Variants in CLRN1 observed in about 807,000 individuals in gnomAD.
CLRN1 encodes clarin 1.
In CLRN1, 15 loss-of-function variants were observed where a neutral mutation model predicts 18.7. The observed-to-expected ratio is 0.80, with a 90% confidence interval of 0.54 to 1.23. The LOEUF (loss-of-function observed/expected upper bound fraction) is 1.23, where lower values mean the gene tolerates loss of function less well. Ranked by LOEUF, CLRN1 falls within the 50% of genes most tolerant of loss-of-function variation. The probability of loss-of-function intolerance (pLI) is 0.00; values close to 1 mark genes in which losing one functional copy is unlikely to be tolerated. For synonymous variants in CLRN1, 104 were observed against 102.9 expected (o/e 1.01, Z -0.07); for missense variants, 311 against 277.5 (o/e 1.12, Z -0.86).
chr3:150,930,687 C>T (rs1176003423), intron 2 of CLRN1, among the ~76,000 whole-genome samples: 1 of 152,090 alleles, frequency 6.6e-6, no homozygotes, highest in Non-Finnish European at 1.5e-5. Context: ...AATGCCATTC[C>T]TTTTACCATA....
intron 1 of CLRN1, among the ~76,000 whole-genome samples, chr3:150,955,459 C>G (rs1714692026): frequency 6.6e-6 from 1 of 152,114 alleles, no homozygotes; most frequent in African/African-American, 2.4e-5. Flanking sequence ...GGAAAGAATT[C>G]AGGGCAATGG....
chr3:150,952,312 C>A (rs969686311), intron 1 of CLRN1, among the ~76,000 whole-genome samples: 1 of 152,180 alleles, frequency 6.6e-6, no homozygotes, highest in Admixed American at 6.5e-5. Context: ...GGTAGAGGCA[C>A]TAAGCGCAGC....
At chr3:150,946,853 T>C (rs184974198) in intron 1 of CLRN1, among the ~76,000 whole-genome samples, 22 of 151,116 alleles carry the variant, frequency 1.5e-4, no homozygotes, top group African/African-American at 5.1e-4. Flanking sequence ...CCCACTAACT[T>C]GTCATCTAGC....
intron 2 of CLRN1, among the ~76,000 whole-genome samples, chr3:150,928,747 G>A (rs766415665): frequency 6.6e-6 from 1 of 152,224 alleles, no homozygotes; most frequent in South Asian, 2.1e-4. Context: ...AGCTATGGAT[G>A]AGGTATTGAG....
At chr3:150,949,432 A>C (rs1714362451) in intron 1 of CLRN1, among the ~76,000 whole-genome samples, 1 of 152,208 alleles carries the variant, frequency 6.6e-6, no homozygotes, top group African/African-American at 2.4e-5. Flanking sequence ...CTGTTTGCAG[A>C]GAACATGATT....
chr3:150,942,638 A>T, intron 1 of CLRN1: 1 of 452,938 alleles, frequency 2.2e-6, no homozygotes, highest in Non-Finnish European at 4.4e-6. Flanking sequence ...AGAGCTTATA[A>T]CCTAATGGGA....
intron 1 of CLRN1, chr3:150,942,581 G>A: frequency 6.6e-6 from 3 of 454,982 alleles, no homozygotes. Flanking sequence ...TCTAGGTGTT[G>A]GAAGTAGAGC....
At chr3:150,957,163 A>G (rs1313707378) in intron 1 of CLRN1, among the ~76,000 whole-genome samples, 2 of 151,262 alleles carry the variant, frequency 1.3e-5, no homozygotes, top group Non-Finnish European at 2.9e-5. Context: ...TTACCCTCCC[A>G]TCTGTCTTCA....
chr3:150,941,541 G>A (rs1382147534), intron 2 of CLRN1, 41 bp downstream of exon 2: 2 of 1,599,348 alleles, frequency 1.3e-6, no homozygotes, highest in African/African-American at 2.7e-5. Context: ...TTGACATATT[G>A]AAAAGCACAT....
intron 1 of CLRN1, among the ~76,000 whole-genome samples, chr3:150,948,142 C>T (rs560015697): frequency 6.6e-6 from 1 of 152,128 alleles, no homozygotes; most frequent in African/African-American, 2.4e-5. Context: ...GATAGATAGG[C>T]CACTAGCTAG....
intron 2 of CLRN1, among the ~76,000 whole-genome samples, chr3:150,939,109 A>AT (rs1031794906): frequency 7.9e-5 from 12 of 152,276 alleles, no homozygotes; most frequent in African/African-American, 2.9e-4. Flanking sequence ...TCTCTGCTTT[A>AT]TGATGCCAGG....
downstream of CLRN1, chr3:150,926,442 GC>G (rs1475581516): frequency 2.8e-6 from 1 of 354,366 alleles, no homozygotes; most frequent in Non-Finnish European, 5.5e-6. Context: ...GACCATTTCA[GC>G]TAAAGACTTA....
intron 2 of CLRN1, among the ~76,000 whole-genome samples, chr3:150,936,868 A>G (rs1378951355): frequency 6.6e-6 from 1 of 151,992 alleles, no homozygotes; most frequent in Non-Finnish European, 1.5e-5. Context: ...CTCTTTCCCT[A>G]GAGTCTTCAG....
chr3:150,943,003 T>C (rs1713948948), intron 1 of CLRN1, among the ~76,000 whole-genome samples: 1 of 152,182 alleles, frequency 6.6e-6, no homozygotes, highest in African/African-American at 2.4e-5. Flanking sequence ...GAAGAAGCTG[T>C]CCTGGATGTC....
rs147311002 is a variant in CLRN1 at position 150,939,490 on chromosome 3, A to T, written c.433+2092T>A. On this transcript the variant is annotated intron_variant, in intron 2 of 2. Coordinates refer to ENST00000327047, the MANE Select transcript of CLRN1 (RefSeq NM_174878.3). The stretch of plus-strand genomic sequence containing the variant: ...TCTTTTTGTTTGTCAGTCCACCAAC[A>T]CCTGTTGAACCAACTACCTGTAGTT... Among the ~76,000 whole-genome samples the T allele has an allele frequency of 5.3e-3, 813 of 152,236 alleles. 8 individuals carry two copies. Among genetic ancestry groups the T allele is most frequent in the South Asian group, 0.039 (189 of 4,826 alleles).
At chr3:150,959,654 G>A (rs1379579578) in intron 1 of CLRN1, among the ~76,000 whole-genome samples, 1 of 151,058 alleles carries the variant, frequency 6.6e-6, no homozygotes, top group African/African-American at 2.4e-5. Context: ...AAAGGTTACT[G>A]GAGGGTAATA....
intron 1 of CLRN1, among the ~76,000 whole-genome samples, chr3:150,946,606 GA>G: frequency 6.6e-6 from 1 of 150,740 alleles, no homozygotes; most frequent in Non-Finnish European, 1.5e-5. Flanking sequence ...AAATTCCAAA[GA>G]CTGTAATAGA....
chr3:150,957,612 T>C (rs934689101), intron 1 of CLRN1, among the ~76,000 whole-genome samples: 1 of 152,204 alleles, frequency 6.6e-6, no homozygotes, highest in Non-Finnish European at 1.5e-5. Flanking sequence ...CTCCCCTCTC[T>C]ACCCATTCAT....
chr3:150,959,254 G>A (rs769480584), intron 1 of CLRN1, among the ~76,000 whole-genome samples: 3 of 151,782 alleles, frequency 2.0e-5, no homozygotes, highest in Non-Finnish European at 4.4e-5. Flanking sequence ...CTTTTTAGGG[G>A]AGGGAAGGGT....
Sources: gnomAD v4.1 joint callset for allele counts (sites outside exome capture counted in the v4.1 genomes callset) on GRCh38, gnomAD v4.1.1 for gene constraint, MANE v1.5 for transcripts, NCBI Gene and HGNC (gene_info 2026-07-23, HGNC 2026-07-21) for gene names.